KRABD5: variants seen among roughly 807,000 people sequenced by gnomAD.
KRABD5 encodes KRAB domain containing 5.
At chr16:31,753,840 G>A in the KRABD5 span, 17 of 1,550,560 alleles carry the variant, frequency 1.1e-5, no homozygotes, top group Admixed American at 3.3e-4. Context: ...AGTGATATTG[G>A]ATGGATATGG....
At chr16:31,752,716 A>C in the KRABD5 span, among the ~76,000 whole-genome samples, 1 of 152,066 alleles carries the variant, frequency 6.6e-6, no homozygotes, top group African/African-American at 2.4e-5. Flanking sequence ...GAACTTAAAA[A>C]ATTATTCAGA....
the KRABD5 span, among the ~76,000 whole-genome samples, chr16:31,738,721 T>C: frequency 4.6e-5 from 7 of 152,148 alleles, no homozygotes; most frequent in Non-Finnish European, 1.0e-4. Context: ...TTCAATTTTT[T>C]GTTTTGGGTT....
chr16:31,742,559 C>G, the KRABD5 span, among the ~76,000 whole-genome samples: 1 of 152,128 alleles, frequency 6.6e-6, no homozygotes, highest in African/African-American at 2.4e-5. Flanking sequence ...TCCAGTCTAT[C>G]ATTGATGGGT....
the KRABD5 span, among the ~76,000 whole-genome samples, chr16:31,728,781 A>G: frequency 6.6e-6 from 1 of 152,172 alleles, no homozygotes; most frequent in South Asian, 2.1e-4. Flanking sequence ...ATATTGTTGG[A>G]TGGGATGTTA....
the KRABD5 span, among the ~76,000 whole-genome samples, chr16:31,751,149 T>G: frequency 2.0e-5 from 3 of 152,204 alleles, no homozygotes; most frequent in African/African-American, 7.2e-5. Flanking sequence ...CCTAGCTAAT[T>G]GTGGTAAATT....
At chr16:31,742,111 A>G in the KRABD5 span, among the ~76,000 whole-genome samples, 4 of 150,454 alleles carry the variant, frequency 2.7e-5, no homozygotes, top group Non-Finnish European at 5.9e-5. Context: ...GTGTGCCTCT[A>G]TTTATTTCTG....
At chr16:31,752,005 T>C in the KRABD5 span, among the ~76,000 whole-genome samples, 1 of 152,234 alleles carries the variant, frequency 6.6e-6, no homozygotes, top group South Asian at 2.1e-4. Flanking sequence ...CTTGATATCA[T>C]TGTTTACTCA....
the KRABD5 span, chr16:31,755,625 A>G: frequency 8.7e-5 from 42 of 485,290 alleles, no homozygotes; most frequent in African/African-American, 7.3e-4. Flanking sequence ...CATACTGGAG[A>G]GAAACCCTAC....
the KRABD5 span, among the ~76,000 whole-genome samples, chr16:31,734,741 C>T: frequency 6.6e-6 from 1 of 150,806 alleles, no homozygotes; most frequent in Non-Finnish European, 1.5e-5. Context: ...CTTTTTTTTC[C>T]TTTTCTTTTT....
At chr16:31,719,478 TG>T in the KRABD5 span, among the ~76,000 whole-genome samples, 1 of 152,196 alleles carries the variant, frequency 6.6e-6, no homozygotes, top group Non-Finnish European at 1.5e-5. Flanking sequence ...AGAAAAACTC[TG>T]GGAGTCAAGT....
chr16:31,757,784 ACTAATACAT>A, the KRABD5 span: 3 of 152,102 alleles, frequency 2.0e-5, no homozygotes, highest in Non-Finnish European at 4.4e-5. Context: ...TGAACCCATG[ACTAATACAT>A]CTGGATGGAT....
the KRABD5 span, among the ~76,000 whole-genome samples, chr16:31,749,917 T>C: frequency 6.6e-6 from 1 of 152,230 alleles, no homozygotes; most frequent in Non-Finnish European, 1.5e-5. Flanking sequence ...TTTATGCCAG[T>C]ACCATGCTGT....
the KRABD5 span, among the ~76,000 whole-genome samples, chr16:31,723,903 A>G: frequency 9.2e-5 from 14 of 152,318 alleles, no homozygotes; most frequent in Admixed American, 9.1e-4. Context: ...CTTCCTAAAT[A>G]TAAAAAAAAA....
chr16:31,743,215 GTATT>G, the KRABD5 span, among the ~76,000 whole-genome samples: 3 of 152,098 alleles, frequency 2.0e-5, no homozygotes, highest in African/African-American at 7.2e-5. Flanking sequence ...GTCCTCAATA[GTATT>G]GCCAAGATTT....
the KRABD5 span, among the ~76,000 whole-genome samples, chr16:31,716,724 C>T: frequency 6.6e-6 from 1 of 152,136 alleles, no homozygotes; most frequent in Non-Finnish European, 1.5e-5. Flanking sequence ...AAGGCAAATC[C>T]TCAGGTGCCT....
At chr16:31,718,307 A>G in the KRABD5 span, among the ~76,000 whole-genome samples, 1 of 152,178 alleles carries the variant, frequency 6.6e-6, no homozygotes, top group East Asian at 1.9e-4. Context: ...TGGAGTCTGC[A>G]CATAAAGGCT....
chr16:31,713,349 A>G, the KRABD5 span: 1 of 1,560,122 alleles, frequency 6.4e-7, no homozygotes, highest in South Asian at 1.2e-5. Context: ...CGTTCTGAGA[A>G]TAGACAGAAC....
At chr16:31,724,711 A>G in the KRABD5 span, among the ~76,000 whole-genome samples, 1 of 151,492 alleles carries the variant, frequency 6.6e-6, no homozygotes. Flanking sequence ...AAAGAAAAAA[A>G]AAAAAGATCT....
chr16:31,731,930 T>C, the KRABD5 span, among the ~76,000 whole-genome samples: 20 of 152,276 alleles, frequency 1.3e-4, no homozygotes, highest in African/African-American at 4.3e-4. Flanking sequence ...TTCCAGACCA[T>C]GACTGAGAGT....
Sources: gnomAD v4.1 joint callset for allele counts (sites outside exome capture counted in the v4.1 genomes callset) on GRCh38, gnomAD v4.1.1 for gene constraint, MANE v1.5 for transcripts, NCBI Gene and HGNC (gene_info 2026-07-23, HGNC 2026-07-21) for gene names.